The following SFI1 variants were observed in gnomAD, a reference collection of about 807,000 sequenced individuals.
SFI1 encodes SFI1 centrin binding protein.
A neutral mutation model predicts 207.5 loss-of-function variants in SFI1; 195 were observed. The ratio of observed to expected loss-of-function variants is 0.94; its 90% CI spans 0.84 to 1.06. SFI1 has a LOEUF of 1.06. Ranked by LOEUF, SFI1 falls within the 50% of genes least tolerant of loss-of-function variation. SFI1 has a pLI of 0.00. For synonymous variants in SFI1, 630 were observed against 598.9 expected (o/e 1.05, Z -0.76); for missense variants, 1,634 against 1,588.0 (o/e 1.03, Z -0.49).
intron 8 of SFI1, among the ~76,000 whole-genome samples, chr22:31,565,811 T>A (rs1288062686): frequency 2.0e-5 from 3 of 152,156 alleles, no homozygotes; most frequent in Non-Finnish European, 4.4e-5. Flanking sequence ...GGTATATTTT[T>A]GAGGTTTAGC....
Position 31,582,236 on chromosome 22 carries a change from ATTTTTTTTTTTTT to A in SFI1, c.1249-1620_1249-1608del, listed in dbSNP as rs1161846940. On this transcript the variant is annotated intron_variant, in intron 12 of 32. Transcript: ENST00000400288. The stretch of plus-strand genomic sequence containing the variant: ...TATATATATATATATATATATATAT[ATTTTTTTTTTTTT>A]TTTTTTTTTTTTTTTTTTGAAACCG... Among the ~76,000 whole-genome samples the A allele has an allele frequency of 6.9e-4, 7 of 10,138 alleles. 1 individual carries two copies. The highest frequency in any genetic ancestry group is 1.8e-3 in the Admixed American group (1 of 554). 6.7% of individuals were successfully genotyped at this position (10,138 alleles called of 152,430 possible).
intron 15 of SFI1, among the ~76,000 whole-genome samples, chr22:31,596,566 G>A (rs143768219): frequency 1.3e-5 from 2 of 151,930 alleles, no homozygotes; most frequent in African/African-American, 4.8e-5. Flanking sequence ...TAAGGCAGGT[G>A]GATCACCTGA....
chr22:31,578,523 G>T (rs1343226790), intron 11 of SFI1, 71 bp downstream of exon 11: 9 of 1,424,428 alleles, frequency 6.3e-6, no homozygotes, highest in Non-Finnish European at 9.7e-7. Flanking sequence ...GGGGGACCCT[G>T]ACCCCTATCA....
chr22:31,614,160 TCATA>T (rs1470785382), intron 27 of SFI1: 1 of 413,608 alleles, frequency 2.4e-6, no homozygotes, highest in African/African-American at 2.0e-5. Context: ...TTTTCCGGAG[TCATA>T]CACGTAGTTG....
Position 31,613,499 on chromosome 22 carries a change from GGCAGCAGCTGCAGGCCCA to G in SFI1, c.2719_2736del (p.Leu907_Gln912del). The G allele has an allele frequency of 1.3e-6, 2 of 1,593,064 alleles. No homozygotes were observed. Among genetic ancestry groups the G allele is most frequent in the South Asian group, 2.3e-5 (2 of 88,638 alleles). ...TTTGCAGCCAGCATGAAGGCCTCCC[GGCAGCAGCTGCAGGCCCA>G]GCAGCAGGTCCAGGTAGGCCCAGGG... is the stretch of plus-strand genomic sequence containing the variant. On this transcript the variant is annotated inframe_deletion, in exon 26 of 33. Transcript: ENST00000400288.
chr22:31,567,773 TAAAA>T (rs958863012), intron 8 of SFI1, among the ~76,000 whole-genome samples: 4 of 152,132 alleles, frequency 2.6e-5, no homozygotes, highest in African/African-American at 9.6e-5. Flanking sequence ...CAAGAGTAAA[TAAAA>T]AAACAATTGC....
chr22:31,616,853 G>A lies in SFI1; in HGVS notation c.3409G>A (p.Ala1137Thr). Residue 1137 changes from alanine to threonine, a missense_variant, in exon 30 of 33, where the codon GCT becomes ACT. Physicochemically the swap from Ala to Thr is moderately conservative, Grantham distance 58. Coordinates refer to ENST00000400288, the MANE Select transcript of SFI1 (RefSeq NM_001007467.3). The stretch of plus-strand genomic sequence containing the variant: ...TCCTGGGGACTTCTCAGCCACCAGG[G>A]CTGGGCCTGGACTTTCAACTGCAGG... Reference protein sequence around the residue: ...LLPGDFSATRAGPGLSTAGSL... With the variant: ...LLPGDFSATRTGPGLSTAGSL... The A allele has an allele frequency of 3.1e-6, 5 of 1,612,418 alleles. No homozygotes were observed. The highest frequency in any genetic ancestry group is 4.2e-6 in the Non-Finnish European group (5 of 1,179,122).
At chr22:31,558,602 C>T (rs376516271) in intron 7 of SFI1, among the ~76,000 whole-genome samples, 12 of 151,370 alleles carry the variant, frequency 7.9e-5, no homozygotes, top group East Asian at 7.8e-4. Flanking sequence ...CTTGGCCTCT[C>T]GAGTAGCTGG....
At chr22:31,530,170 T>TAA (rs2058338097) in intron 3 of SFI1, among the ~76,000 whole-genome samples, 1 of 9,862 alleles carries the variant, frequency 1.0e-4, no homozygotes. Context: ...AGACTCCATC[T>TAA]CAAAAAAAAA....
intron 20 of SFI1, 32 bp from the exon 21 acceptor site, chr22:31,606,296 C>T (rs372149652): frequency 1.1e-5 from 18 of 1,592,956 alleles, no homozygotes; most frequent in Non-Finnish European, 1.4e-5. Context: ...ATCCTGGTGT[C>T]ATCTGCCTTC....
At position 31,570,896 on chromosome 22, in the gene SFI1, A is replaced by G. The variant is rs1456442756; in HGVS notation, c.766-2162A>G. ...CGAAAGCCAGGTGAAGGAAGGAGGAAGGCTTTGTCAGACACTTCTGGCAGG... is the reference window on the plus strand; with the variant it reads ...CGAAAGCCAGGTGAAGGAAGGAGGAGGGCTTTGTCAGACACTTCTGGCAGG... On this transcript the variant is annotated intron_variant, in intron 8 of 32. Coordinates refer to ENST00000400288, the MANE Select transcript of SFI1 (RefSeq NM_001007467.3). Among the ~76,000 whole-genome samples the G allele has an allele frequency of 2.0e-5, 3 of 152,322 alleles. No homozygotes were observed. The East Asian group carries it at 5.8e-4, about 29-fold the overall frequency.
intron 10 of SFI1, among the ~76,000 whole-genome samples, chr22:31,576,268 A>G (rs796827176): frequency 8.7e-5 from 13 of 149,334 alleles, no homozygotes; most frequent in African/African-American, 3.2e-4. Context: ...CAGGTGATCC[A>G]CCCACCTCAG....
chr22:31,525,871 AT>A (rs1229874883), intron 2 of SFI1, among the ~76,000 whole-genome samples: 1 of 151,984 alleles, frequency 6.6e-6, no homozygotes, highest in African/African-American at 2.4e-5. Flanking sequence ...TTTGTGGTTT[AT>A]TTTGAAGTCT....
At chr22:31,508,134 A>G in intron 1 of SFI1, 121 bp from the exon 2 acceptor site, 1 of 577,582 alleles carries the variant, frequency 1.7e-6, no homozygotes, top group Middle Eastern at 3.2e-4. Flanking sequence ...GACCTAGCCC[A>G]CATTCATCTA....
chr22:31,554,277 T>C (rs1017577803), intron 6 of SFI1, among the ~76,000 whole-genome samples: 1 of 152,128 alleles, frequency 6.6e-6, no homozygotes, highest in Non-Finnish European at 1.5e-5. Context: ...CCTGCATCCT[T>C]GCTAAGTTAA....
intron 18 of SFI1, 82 bp downstream of exon 18, chr22:31,603,901 A>G (rs577886794): frequency 2.4e-5 from 31 of 1,277,510 alleles, no homozygotes; most frequent in Middle Eastern, 1.9e-4. Context: ...CAGGCAACAT[A>G]TGGGCCACAC....
At position 31,611,761 on chromosome 22, in the gene SFI1, C is replaced by T; in HGVS notation, c.2416-5C>T. On this transcript the variant is annotated splice_region_variant and splice_polypyrimidine_tract_variant and intron_variant, in intron 23 of 32. Coordinates refer to ENST00000400288, the MANE Select transcript of SFI1 (RefSeq NM_001007467.3). The stretch of plus-strand genomic sequence containing the variant: ...GCCACTCTCTGTGCACTTGCTCTCC[C>T]CCAGCTCCTGCACAGGCAGAGCACC... 6.2e-7 allele frequency: 1 copy of T among 1,612,768 alleles called. No individual in the cohort carries two copies. The highest frequency in any genetic ancestry group is 1.1e-5 in the South Asian group (1 of 91,018).
intron 10 of SFI1, among the ~76,000 whole-genome samples, chr22:31,576,970 T>C (rs1419287455): frequency 1.3e-5 from 2 of 152,156 alleles, no homozygotes; most frequent in Non-Finnish European, 2.9e-5. Context: ...ACCCCTACCA[T>C]ACTGTGTGCC....
intron 6 of SFI1, among the ~76,000 whole-genome samples, chr22:31,551,808 GA>G (rs766891911): frequency 1.3e-5 from 2 of 152,294 alleles, no homozygotes; most frequent in East Asian, 3.9e-4. Context: ...AGTAATTCAC[GA>G]GAGTTCTACT....
Sources: gnomAD v4.1 joint callset for allele counts (sites outside exome capture counted in the v4.1 genomes callset) on GRCh38, gnomAD v4.1.1 for gene constraint, MANE v1.5 for transcripts, NCBI Gene and HGNC (gene_info 2026-07-23, HGNC 2026-07-21) for gene names.